The following HSPA4 variants were observed in gnomAD, a reference collection of about 807,000 sequenced individuals.
HSPA4 encodes the protein heat shock 70 kDa protein 4.
Under a neutral mutation model 106.2 loss-of-function variants are expected in HSPA4, and 25 were observed. That is an observed-to-expected ratio of 0.24 (90% CI 0.17 to 0.33). The LOEUF (loss-of-function observed/expected upper bound fraction) is 0.33. HSPA4 is among the 10% of genes least tolerant of loss of function. The probability of loss-of-function intolerance (pLI) is 1.00; values close to 1 mark genes in which losing one functional copy is unlikely to be tolerated. For missense variants in HSPA4, 841 were observed against 996.0 expected, an observed-to-expected ratio of 0.84 and a Z score of 2.10; for synonymous variants, 332 against 333.6, an observed-to-expected ratio of 1.00 and a Z score of 0.05.
At chr5:133,068,428 A>G (rs1230824463) in intron 3 of HSPA4, among the ~76,000 whole-genome samples, 2 of 148,512 alleles carry the variant, frequency 1.3e-5, no homozygotes, top group Admixed American at 1.3e-4. Flanking sequence ...AGAGGAATCC[A>G]TGAGGGGGGG....
At position 133,089,651 on chromosome 5, in the gene HSPA4, A is replaced by G. The variant is rs773867059; in HGVS notation, c.1334A>G (p.Tyr445Cys). The G allele has an allele frequency of 6.8e-6, 11 of 1,611,352 alleles. No individual in the cohort carries two copies. The highest frequency in any genetic ancestry group is 3.3e-4 in the Middle Eastern group (2 of 6,056). Reference protein sequence around the residue: ...YRKEPFTLEAYYSSPQDLPYP... With the variant: ...YRKEPFTLEACYSSPQDLPYP... ...AAGGAACCTTTCACTCTTGAGGCCT[A>G]CTACAGCTCTCCTCAGGATTTGCCC... The change falls in exon 11 of 19, where the codon TAC (tyrosine) becomes TGC (cysteine). Residue 445 changes from tyrosine (Y) to cysteine (C), a missense_variant. Coordinates refer to ENST00000304858, the MANE Select transcript of HSPA4 (RefSeq NM_002154.4).
At position 133,105,347 on chromosome 5, in the gene HSPA4, A is replaced by C. The variant is rs1436903376; in HGVS notation, c.*911A>C. 1 of 152,240 alleles carries C rather than the reference A, an allele frequency of 6.6e-6. No individual in the cohort carries two copies. The highest frequency in any genetic ancestry group is 1.5e-5 in the Non-Finnish European group (1 of 68,048). 9.4% of individuals were successfully genotyped at this position (152,240 alleles called of 1,614,324 possible). On this transcript the variant is annotated 3_prime_UTR_variant, in exon 19 of 19. Transcript: ENST00000304858. The stretch of plus-strand genomic sequence containing the variant: ...GTTAAAAGTTCTTTTTAGCTCATTC[A>C]CAATCACTTGTGTGTTAAGTGTTAA...
At chr5:133,089,795 C>G in intron 11 of HSPA4, 100 bp downstream of exon 11, 1 of 941,272 alleles carries the variant, frequency 1.1e-6, no homozygotes, top group South Asian at 2.2e-5. Context: ...GGGAGGATCA[C>G]TTGAGCTGAG....
chr5:133,061,089 T>G (rs1765235873), intron 1 of HSPA4, among the ~76,000 whole-genome samples: 1 of 151,702 alleles, frequency 6.6e-6, no homozygotes, highest in East Asian at 1.9e-4. Context: ...TAAACAACAG[T>G]ACTTTCACAT....
intron 1 of HSPA4, among the ~76,000 whole-genome samples, chr5:133,058,887 G>A (rs1384592617): frequency 6.6e-6 from 1 of 151,542 alleles, no homozygotes; most frequent in East Asian, 2.0e-4. Flanking sequence ...CAGCACTTTC[G>A]AAGGCCGAGG....
chr5:133,067,300 C>G, intron 2 of HSPA4, 117 bp from the exon 3 acceptor site: 1 of 896,806 alleles, frequency 1.1e-6, no homozygotes, highest in Non-Finnish European at 1.7e-6. Flanking sequence ...CTGAAGAAAC[C>G]AAAACCAAGA....
intron 15 of HSPA4, among the ~76,000 whole-genome samples, chr5:133,097,549 C>CTTTTTTTTTTT (rs551499462): frequency 1.6e-5 from 2 of 127,568 alleles, no homozygotes; most frequent in Non-Finnish European, 3.3e-5. Flanking sequence ...CTTTTCTTTT[C>CTTTTTTTTTTT]TTTTTTTTTT....
At chr5:133,061,385 G>A (rs1331626323) in intron 1 of HSPA4, among the ~76,000 whole-genome samples, 2 of 152,052 alleles carry the variant, frequency 1.3e-5, no homozygotes, top group East Asian at 3.9e-4. Flanking sequence ...GCCTCCCAAA[G>A]TGCTGGGATT....
chr5:133,098,342 C>T lies in HSPA4; in HGVS notation c.1929+1056C>T, dbSNP rs556112943. ...TTTATTTATTTTTGAGACGGAGTCT[C>T]GCTCTGTCGCCCAGGCTGGAGTGCG... is the stretch of plus-strand genomic sequence containing the variant. On this transcript the variant is annotated intron_variant, in intron 15 of 18. Coordinates refer to ENST00000304858, the MANE Select transcript of HSPA4 (RefSeq NM_002154.4). Among the ~76,000 whole-genome samples the T allele has an allele frequency of 3.3e-5, 5 of 152,200 alleles. No individual in the cohort carries two copies. The South Asian group carries it at 6.2e-4, about 19-fold the overall frequency.
chr5:133,065,224 A>G (rs934164911), intron 2 of HSPA4, among the ~76,000 whole-genome samples, 187 bp downstream of exon 2: 5 of 152,224 alleles, frequency 3.3e-5, no homozygotes, highest in African/African-American at 1.2e-4. Flanking sequence ...GCATCTGTAG[A>G]TTCAAACAAC....
Position 133,087,450 on chromosome 5 carries a change from C to T in HSPA4, c.985+592C>T, listed in dbSNP as rs965502096. ...GATGGCAAATGGGCTTATTTCCACA[C>T]TGGGAAAGCCCATTTCTTTAAATAG... On this transcript the variant is annotated intron_variant, in intron 8 of 18. Transcript: ENST00000304858. Among the ~76,000 whole-genome samples the T allele has an allele frequency of 1.4e-4, 22 of 152,274 alleles. 1 individual carries two copies. Among genetic ancestry groups the T allele is most frequent in the African/African-American group, 4.8e-4 (20 of 41,566 alleles).
intron 10 of HSPA4, 61 bp from the exon 11 acceptor site, chr5:133,089,501 A>G (rs1765618006): frequency 1.3e-5 from 19 of 1,486,914 alleles, no homozygotes; most frequent in Non-Finnish European, 1.7e-5. Flanking sequence ...AACCTAGAAC[A>G]CATGGGTAAA....
rs577578582 is a variant in HSPA4 at position 133,105,581 on chromosome 5, T to A, written c.*1145T>A. 2.0e-5 allele frequency: 3 copies of A among 152,290 alleles called. No individual in the cohort carries two copies. The highest frequency in any genetic ancestry group is 2.1e-4 in the South Asian group (1 of 4,822). The allele number at this position is 152,290 out of a possible 1,614,324, so 9.4% of individuals were successfully genotyped here. On this transcript the variant is annotated 3_prime_UTR_variant, in exon 19 of 19. Coordinates refer to ENST00000304858, the MANE Select transcript of HSPA4 (RefSeq NM_002154.4). The stretch of plus-strand genomic sequence containing the variant: ...CTCTGACTGCTTTTTGGGGCAGTGT[T>A]GACAGGAGTGAGGCATTTTGGAAAC...
chr5:133,102,683 T>G (rs1158462989), intron 17 of HSPA4, among the ~76,000 whole-genome samples: 1 of 152,144 alleles, frequency 6.6e-6, no homozygotes, highest in Non-Finnish European at 1.5e-5. Context: ...CTTGACATAT[T>G]GTTAGTGTAA....
At chr5:133,078,148 T>C (rs1765468101) in intron 7 of HSPA4, among the ~76,000 whole-genome samples, 1 of 150,232 alleles carries the variant, frequency 6.7e-6, no homozygotes, top group African/African-American at 2.5e-5. Context: ...CTGGCTAACA[T>C]GGTGAAACCC....
chr5:133,092,956 G>A lies in HSPA4; in HGVS notation c.1650+167G>A, dbSNP rs138415110. On this transcript the variant is annotated intron_variant, in intron 13 of 18. Transcript: ENST00000304858. ...CTACCTCAGCCTGCTGAGTAGCTGG[G>A]ATTACAGACGCCCACCACCACGGCA... Among the ~76,000 whole-genome samples, 693 of 150,572 alleles carry A rather than the reference G, an allele frequency of 4.6e-3. 4 individuals are homozygous for A. Among genetic ancestry groups the A allele is most frequent in the Non-Finnish European group, 8.1e-3 (546 of 67,674 alleles).
At position 133,076,293 on chromosome 5, in the gene HSPA4, G is replaced by C. The variant is rs906868971; in HGVS notation, c.664-361G>C. 2.2e-5 allele frequency: 5 copies of C among 229,142 alleles called. No individual in the cohort carries two copies. In the Admixed American group the frequency reaches 2.5e-4, roughly 12 times the overall value. The allele number at this position is 229,142 out of a possible 1,614,324, so 14.2% of individuals were successfully genotyped here. On this transcript the variant is annotated intron_variant, in intron 6 of 18. Coordinates refer to ENST00000304858, the MANE Select transcript of HSPA4 (RefSeq NM_002154.4). ...CTAGAAGTATGTACATGACATGTTA[G>C]TATATTTTACCTTGGACATGTAACT...
chr5:133,093,965 C>T (rs774041719), intron 13 of HSPA4, among the ~76,000 whole-genome samples: 13 of 152,176 alleles, frequency 8.5e-5, no homozygotes, highest in South Asian at 2.1e-4. Context: ...GGGTGGTACA[C>T]GCTGGTAGCT....
intron 3 of HSPA4, among the ~76,000 whole-genome samples, chr5:133,067,892 G>GTT (rs1231361695): frequency 1.4e-4 from 19 of 134,732 alleles, no homozygotes; most frequent in South Asian, 2.4e-4. Context: ...AGCAATCACA[G>GTT]TTTTTTTTTT....
Sources: gnomAD v4.1 joint callset for allele counts (sites outside exome capture counted in the v4.1 genomes callset) on GRCh38, gnomAD v4.1.1 for gene constraint, MANE v1.5 for transcripts, NCBI Gene and HGNC (gene_info 2026-07-23, HGNC 2026-07-21) for gene names.